The following UBE2E2 variants were observed in gnomAD, a reference collection of about 807,000 sequenced individuals.
The protein encoded by UBE2E2 is ubiquitin conjugating enzyme E2 E2.
A neutral mutation model predicts 24.7 loss-of-function variants in UBE2E2; 6 were observed. That is an observed-to-expected ratio of 0.24 (90% CI 0.13 to 0.48). The LOEUF is 0.48. UBE2E2 is among the 20% of genes least tolerant of loss of function. The pLI, the probability that UBE2E2 is intolerant of heterozygous loss-of-function variation, is 0.99. For missense variants in UBE2E2, 169 were observed against 245.0 expected (o/e 0.69, Z 2.07); for synonymous variants, 104 against 83.6 (o/e 1.24, Z -1.33).
At chr3:23,264,450 C>T (rs905765144) in intron 3 of UBE2E2, among the ~76,000 whole-genome samples, 61 of 151,832 alleles carry the variant, frequency 4.0e-4, no homozygotes, top group African/African-American at 1.4e-3. Context: ...CTCAAAATCC[C>T]TGTGCGAGCC....
At chr3:23,216,181 A>G (rs1377168966) in intron 2 of UBE2E2, among the ~76,000 whole-genome samples, 1 of 152,106 alleles carries the variant, frequency 6.6e-6, no homozygotes, top group African/African-American at 2.4e-5. Flanking sequence ...CTGATTCATA[A>G]TGCCTCGCCA....
rs577967610 is a variant in UBE2E2 at position 23,490,202 on chromosome 3, T to C, written c.228-9406T>C. 3.3e-5 allele frequency among the ~76,000 whole-genome samples: 5 copies of C among 152,318 alleles called. No homozygotes were observed. The South Asian group carries it at 1.0e-3, about 32-fold the overall frequency. ...TGAACTCTAGATGGTTTCCAAAGTC[T>C]TTATAATCATAACCTATTTCTAACA... On this transcript the variant is annotated intron_variant, in intron 3 of 5. Coordinates refer to ENST00000396703, the MANE Select transcript of UBE2E2 (RefSeq NM_152653.4).
At chr3:23,530,483 GTTCT>G (rs2125483536) in intron 4 of UBE2E2, among the ~76,000 whole-genome samples, 1 of 152,168 alleles carries the variant, frequency 6.6e-6, no homozygotes, top group East Asian at 1.9e-4. Flanking sequence ...TATCAGTAAC[GTTCT>G]TTGTTTCTAA....
At chr3:23,465,369 A>C (rs868464780) in intron 3 of UBE2E2, among the ~76,000 whole-genome samples, 1 of 152,330 alleles carries the variant, frequency 6.6e-6, no homozygotes, top group Middle Eastern at 3.4e-3. Flanking sequence ...AGCTTATCCC[A>C]TATTAAAGCA....
At chr3:23,332,737 C>T (rs1695098748) in intron 3 of UBE2E2, among the ~76,000 whole-genome samples, 1 of 150,412 alleles carries the variant, frequency 6.6e-6, no homozygotes, top group East Asian at 2.0e-4. Context: ...GGATATCTCT[C>T]TAGGAAATTT....
Position 23,563,077 on chromosome 3 carries a change from T to C in UBE2E2, c.509-26657T>C, listed in dbSNP as rs953889742. Among the ~76,000 whole-genome samples, 19 of 152,322 alleles carry C rather than the reference T, an allele frequency of 1.2e-4. 1 individual carries two copies. Among genetic ancestry groups the C allele is most frequent in the African/African-American group, 4.6e-4 (19 of 41,578 alleles). On this transcript the variant is annotated intron_variant, in intron 5 of 5. Transcript: ENST00000396703. ...TTTGTGTCTCTATCTCCTTCAGTTC[T>C]TCTCTGATCTTAGTTATTTCTTGCC... is the stretch of plus-strand genomic sequence containing the variant.
At position 23,589,909 on chromosome 3, in the gene UBE2E2, A is replaced by C; in HGVS notation, c.*78A>C. 2 of 1,356,176 alleles carry C rather than the reference A, an allele frequency of 1.5e-6. No homozygotes were observed. Among genetic ancestry groups the C allele is most frequent in the Non-Finnish European group, 2.1e-6 (2 of 963,912 alleles). The allele number at this position is 1,356,176 out of a possible 1,614,324, so 84.0% of individuals were successfully genotyped here. On this transcript the variant is annotated 3_prime_UTR_variant, in exon 6 of 6. Transcript: ENST00000396703. The surrounding 1 kb of genome is among the most constrained non-coding windows in gnomAD (Gnocchi z 4.1). ...CATCGGTAGCCCTGCCCACCCCTCC[A>C]GACCTCGGTTCTTATTTTCCTATTT...
intron 3 of UBE2E2, among the ~76,000 whole-genome samples, chr3:23,343,129 C>G (rs1039270256): frequency 6.6e-6 from 1 of 151,508 alleles, no homozygotes; most frequent in East Asian, 1.9e-4. Context: ...CATACATATA[C>G]AAACTACATT....
intron 3 of UBE2E2, among the ~76,000 whole-genome samples, chr3:23,316,808 G>A (rs1448525673): frequency 6.6e-6 from 1 of 152,030 alleles, no homozygotes; most frequent in Admixed American, 6.6e-5. Flanking sequence ...GCGCTCTTAA[G>A]TCAGCAGGTG....
At position 23,566,750 on chromosome 3, in the gene UBE2E2, A is replaced by G. The variant is rs575645058; in HGVS notation, c.509-22984A>G. Among the ~76,000 whole-genome samples, 750 of 152,206 alleles carry G rather than the reference A, an allele frequency of 4.9e-3. 3 individuals are homozygous for G. Among genetic ancestry groups the G allele is most frequent in the Non-Finnish European group, 8.1e-3 (549 of 67,986 alleles). On this transcript the variant is annotated intron_variant, in intron 5 of 5. Transcript: ENST00000396703. ...CGTTCATGAGGGATCCACCCCCCTGACCCCAACACCTGCCACTAGGCCCTA... is the reference window on the plus strand; with the variant it reads ...CGTTCATGAGGGATCCACCCCCCTGGCCCCAACACCTGCCACTAGGCCCTA...
chr3:23,386,433 C>T lies in UBE2E2; in HGVS notation c.228-113175C>T, dbSNP rs79777618. Among the ~76,000 whole-genome samples the T allele has an allele frequency of 4.0e-3, 602 of 152,102 alleles. 5 individuals are homozygous for T. The highest frequency in any genetic ancestry group is 0.017 in the Middle Eastern group (5 of 294). On this transcript the variant is annotated intron_variant, in intron 3 of 5. Transcript: ENST00000396703. ...TTAAGATCTCAACATATGAATTTAGCGGGGACACGAACATTCGGACCATAG... is the reference window on the plus strand; with the variant it reads ...TTAAGATCTCAACATATGAATTTAGTGGGGACACGAACATTCGGACCATAG...
chr3:23,542,425 T>C (rs1293415856), intron 5 of UBE2E2, among the ~76,000 whole-genome samples: 1 of 152,252 alleles, frequency 6.6e-6, no homozygotes, highest in Non-Finnish European at 1.5e-5. Flanking sequence ...AGTTTTTGTT[T>C]GCTTCTTTGA....
chr3:23,561,476 C>G (rs574843496), intron 5 of UBE2E2, among the ~76,000 whole-genome samples: 1 of 152,150 alleles, frequency 6.6e-6, no homozygotes, highest in South Asian at 2.1e-4. Context: ...TTACTATGGC[C>G]TTGTAGTATA....
At chr3:23,339,987 CT>C (rs1280088956) in intron 3 of UBE2E2, among the ~76,000 whole-genome samples, 3 of 151,982 alleles carry the variant, frequency 2.0e-5, no homozygotes, top group Non-Finnish European at 4.4e-5. Context: ...CATTTAAAGT[CT>C]TTAAATATTT....
At chr3:23,247,637 A>G (rs1249035638) in intron 3 of UBE2E2, among the ~76,000 whole-genome samples, 2 of 152,142 alleles carry the variant, frequency 1.3e-5, no homozygotes, top group East Asian at 1.9e-4. Context: ...TACAGGTGTG[A>G]GGTATTATTT....
chr3:23,393,975 T>C (rs529633440), intron 3 of UBE2E2, among the ~76,000 whole-genome samples: 13 of 152,346 alleles, frequency 8.5e-5, no homozygotes, highest in Middle Eastern at 3.4e-3. Flanking sequence ...TCTAGCCCTT[T>C]ATAGAAAAAT....
At chr3:23,422,176 A>G (rs1383468278) in intron 3 of UBE2E2, among the ~76,000 whole-genome samples, 1 of 152,216 alleles carries the variant, frequency 6.6e-6, no homozygotes, top group Non-Finnish European at 1.5e-5. Context: ...GACTACACCA[A>G]AGAAGTAGGT....
chr3:23,561,271 G>C (rs1178368446), intron 5 of UBE2E2, among the ~76,000 whole-genome samples: 1 of 152,192 alleles, frequency 6.6e-6, no homozygotes, highest in Non-Finnish European at 1.5e-5. Context: ...AAGGGATCCA[G>C]TTTCAGCTTT....
intron 5 of UBE2E2, among the ~76,000 whole-genome samples, chr3:23,574,887 C>A (rs999806447): frequency 5.9e-5 from 9 of 152,270 alleles, no homozygotes; most frequent in East Asian, 1.9e-4. Context: ...AAGTCATTTT[C>A]TTTTGGTACA....
Sources: allele counts gnomAD v4.1 joint callset (sites outside exome capture counted in the v4.1 genomes callset), GRCh38; gene constraint gnomAD v4.1.1; non-coding constraint Gnocchi (gnomAD v3.1); transcripts MANE v1.5; gene names NCBI Gene and HGNC (gene_info 2026-07-23, HGNC 2026-07-21).